Variants in ASTN2 observed in about 807,000 individuals in gnomAD.
The protein encoded by ASTN2 is astrotactin-2.
A neutral mutation model predicts 139.8 loss-of-function variants in ASTN2; 54 were observed. The ratio of observed to expected loss-of-function variants is 0.39; its 90% CI spans 0.31 to 0.48. ASTN2 has a LOEUF of 0.48. ASTN2 is among the 20% of genes least tolerant of loss of function. ASTN2 has a pLI of 0.95. For missense variants in ASTN2, 1,565 were observed against 1,725.1 expected (o/e 0.91, Z 1.64); for synonymous variants, 756 against 719.5 (o/e 1.05, Z -0.81).
intron 4 of ASTN2, among the ~76,000 whole-genome samples, chr9:117,131,104 C>G (rs1259739708): frequency 3.3e-5 from 5 of 152,168 alleles, no homozygotes; most frequent in Non-Finnish European, 7.3e-5. Flanking sequence ...TTAAATTTCA[C>G]CAACAGTCAG....
chr9:117,050,313 T>C (rs1034553150), intron 5 of ASTN2, among the ~76,000 whole-genome samples: 3 of 152,154 alleles, frequency 2.0e-5, no homozygotes, highest in Admixed American at 2.0e-4. Flanking sequence ...TGTTCCATTA[T>C]CTTGGAAGAT....
intron 16 of ASTN2, among the ~76,000 whole-genome samples, chr9:116,681,240 G>A (rs937508710): frequency 3.3e-5 from 5 of 151,940 alleles, no homozygotes; most frequent in East Asian, 1.9e-4. Context: ...ACAGACAAAC[G>A]GAGAGCCAAA....
At chr9:116,809,763 T>A (rs553324667) in intron 12 of ASTN2, among the ~76,000 whole-genome samples, 1 of 152,340 alleles carries the variant, frequency 6.6e-6, no homozygotes, top group Non-Finnish European at 1.5e-5. Context: ...TTCTGATAAG[T>A]GTGACAAAGA....
chr9:116,537,064 C>T (rs891518003), intron 19 of ASTN2, among the ~76,000 whole-genome samples: 6 of 152,178 alleles, frequency 3.9e-5, no homozygotes, highest in African/African-American at 1.4e-4. Flanking sequence ...GGTGGGCGCC[C>T]CTCCCCCAGC....
rs111254656 is a variant in ASTN2, at chr9:116,850,842, A to G, written c.2040+12741T>C. 1.4e-4 allele frequency among the ~76,000 whole-genome samples: 21 copies of G among 150,878 alleles called. 1 individual carries two copies. Among genetic ancestry groups the G allele is most frequent in the African/African-American group, 5.1e-4 (21 of 40,994 alleles). ...AAAGAGAGAAGCAGCAGCCCAAACC[A>G]GAGTCTACACCAGAGGGAATCATTA... On this transcript the variant is annotated intron_variant, in intron 11 of 22. Coordinates refer to ENST00000313400, the MANE Select transcript of ASTN2 (RefSeq NM_001365068.1).
chr9:116,670,719 G>C (rs1270835146), intron 16 of ASTN2, among the ~76,000 whole-genome samples: 1 of 152,090 alleles, frequency 6.6e-6, no homozygotes, highest in East Asian at 1.9e-4. Flanking sequence ...TGAGATGCAG[G>C]GCTTGGCAGA....
intron 3 of ASTN2, among the ~76,000 whole-genome samples, chr9:117,177,527 C>A (rs1467845259): frequency 1.3e-5 from 2 of 152,126 alleles, no homozygotes; most frequent in African/African-American, 4.8e-5. Context: ...TAGATTCCCT[C>A]CCTCAGAAAC....
intron 2 of ASTN2, among the ~76,000 whole-genome samples, chr9:117,255,114 C>A (rs1325896931): frequency 6.6e-6 from 1 of 152,150 alleles, no homozygotes; most frequent in Non-Finnish European, 1.5e-5. Flanking sequence ...GTGACTTATT[C>A]CATTCTGGGC....
intron 16 of ASTN2, chr9:116,686,988 C>G: frequency 7.0e-7 from 1 of 1,428,596 alleles, no homozygotes. Flanking sequence ...GAGGACTACC[C>G]TGGAGGCTAC....
In ASTN2 at chr9:116,620,422, T is replaced by C; in HGVS notation, c.3094A>G (p.Ser1032Gly). The change falls in exon 18 of 23, where the codon AGT becomes GGT. Residue 1032 changes from serine (S) to glycine (G), a missense_variant. Physicochemically the swap from Ser to Gly is moderately conservative, Grantham distance 56. This residue lies in a region of ASTN2 where 418 missense variants were observed against 465.8 expected (regional missense o/e 0.90). Coordinates refer to ENST00000313400, the MANE Select transcript of ASTN2 (RefSeq NM_001365068.1). ...CCTTTCCCTGAGCACCAGTAGGAAC[T>C]CATCAGTGCACTCTTGAAGGCCTGG... ...TKEAFKSALM[S>G]SYWCSGKGDV... 6.2e-7 allele frequency: 1 copy of C among 1,614,122 alleles called. No homozygotes were observed. The highest frequency in any genetic ancestry group is 2.2e-5 in the East Asian group (1 of 44,886).
At position 116,618,459 on chromosome 9, in the gene ASTN2, G is replaced by A; in HGVS notation, c.3220C>T (p.Pro1074Ser). 1 of 1,612,792 alleles carries A rather than the reference G, an allele frequency of 6.2e-7. No individual in the cohort carries two copies. The highest frequency in any genetic ancestry group is 8.5e-7 in the Non-Finnish European group (1 of 1,179,608). ...PLLQPVLRLSPTVEPSSTVVS... is the reference protein window; with the variant it reads ...PLLQPVLRLSSTVEPSSTVVS... ...ACAGTACTGGAGGGCTCCACTGTTGGGGACAGCCGCAGCCTACAGGGAATA... is the reference window on the plus strand; with the variant it reads ...ACAGTACTGGAGGGCTCCACTGTTGAGGACAGCCGCAGCCTACAGGGAATA... Residue 1074 changes from proline (P) to serine (S), a missense_variant, in exon 19 of 23, where the codon CCA becomes TCA. By Grantham distance (74) the Pro-to-Ser change is moderately conservative. This residue lies in a region of ASTN2 where 418 missense variants were observed against 465.8 expected (regional missense o/e 0.90). Coordinates refer to ENST00000313400, the MANE Select transcript of ASTN2 (RefSeq NM_001365068.1).
At chr9:116,780,639 C>G (rs570843256) in intron 13 of ASTN2, among the ~76,000 whole-genome samples, 2 of 152,114 alleles carry the variant, frequency 1.3e-5, no homozygotes, top group Non-Finnish European at 2.9e-5. Context: ...AGCAGAAGAA[C>G]CTCATGACCC....
intron 13 of ASTN2, among the ~76,000 whole-genome samples, chr9:116,772,462 T>A (rs1420414016): frequency 6.6e-6 from 1 of 152,136 alleles, no homozygotes; most frequent in African/African-American, 2.4e-5. Context: ...TTAAACCTCT[T>A]TTTCTGTATA....
At chr9:117,031,175 A>T (rs1838237047) in intron 6 of ASTN2, among the ~76,000 whole-genome samples, 1 of 152,090 alleles carries the variant, frequency 6.6e-6, no homozygotes, top group African/African-American at 2.4e-5. Flanking sequence ...TGGGGATGGG[A>T]GCAACATCCT....
At chr9:117,286,241 A>T (rs1333753954) in intron 2 of ASTN2, among the ~76,000 whole-genome samples, 1 of 152,250 alleles carries the variant, frequency 6.6e-6, no homozygotes, top group Non-Finnish European at 1.5e-5. Flanking sequence ...AACAAAAAGC[A>T]AAATGAAAAA....
chr9:117,396,288 C>T (rs1251363333), intron 1 of ASTN2, among the ~76,000 whole-genome samples: 1 of 152,198 alleles, frequency 6.6e-6, no homozygotes, highest in Non-Finnish European at 1.5e-5. Flanking sequence ...CTTCTTTCCA[C>T]TGACTGCCAG....
At chr9:116,725,367 A>G (rs1828590460) in intron 16 of ASTN2, among the ~76,000 whole-genome samples, 1 of 151,960 alleles carries the variant, frequency 6.6e-6, no homozygotes, top group Non-Finnish European at 1.5e-5. Context: ...TTGGGAGAGA[A>G]GAACCCAAGA....
At chr9:117,321,099 C>T (rs1828310541) in intron 1 of ASTN2, among the ~76,000 whole-genome samples, 1 of 152,170 alleles carries the variant, frequency 6.6e-6, no homozygotes, top group African/African-American at 2.4e-5. Context: ...CAAAACCAAA[C>T]TTCTAGCCCA....
rs140466415 is a variant in ASTN2, at chr9:117,345,519, C to T, written c.443-54006G>A. On this transcript the variant is annotated intron_variant, in intron 1 of 22. Transcript: ENST00000313400. ...AGGAAACTGTGGCTCAAAGAGATGA[C>T]GATCTTGCCCAAGGTCACACAGCTG... Among the ~76,000 whole-genome samples, 12 of 152,290 alleles carry T rather than the reference C, an allele frequency of 7.9e-5. No homozygotes were observed. The East Asian group carries it at 1.7e-3, about 22-fold the overall frequency.
Sources: allele counts gnomAD v4.1 joint callset (sites outside exome capture counted in the v4.1 genomes callset), GRCh38; gene constraint gnomAD v4.1.1; regional missense constraint gnomAD v4.1.1; transcripts MANE v1.5; gene names NCBI Gene and HGNC (gene_info 2026-07-23, HGNC 2026-07-21).